Variants in HECW2 observed in about 807,000 individuals in gnomAD.
The protein encoded by HECW2 is E3 ubiquitin-protein ligase HECW2.
Under a neutral mutation model 175.2 loss-of-function variants are expected in HECW2, and 61 were observed. The ratio of observed to expected loss-of-function variants is 0.35; its 90% CI spans 0.28 to 0.43. The LOEUF (loss-of-function observed/expected upper bound fraction) is 0.43. HECW2 is among the 20% of genes least tolerant of loss of function. The probability of loss-of-function intolerance (pLI) is 1.00; values close to 1 mark genes in which losing one functional copy is unlikely to be tolerated. For missense variants in HECW2, 1,524 were observed against 2,000.5 expected (o/e 0.76, Z 4.54); for synonymous variants, 671 against 731.0 (o/e 0.92, Z 1.32).
intron 1 of HECW2, among the ~76,000 whole-genome samples, chr2:196,487,212 GC>G (rs1360489575): frequency 1.3e-5 from 2 of 152,116 alleles, no homozygotes. Context: ...CTACCAGGAG[GC>G]TGAGGTGGGA....
chr2:196,278,766 G>T, intron 14 of HECW2, 104 bp from the exon 15 acceptor site: 1 of 1,279,188 alleles, frequency 7.8e-7, no homozygotes, highest in Non-Finnish European at 1.1e-6. Flanking sequence ...CACAATCTTA[G>T]CTCTATTTTC....
chr2:196,241,881 A>AT (rs1688470979), intron 20 of HECW2, among the ~76,000 whole-genome samples: 1 of 152,170 alleles, frequency 6.6e-6, no homozygotes, highest in Non-Finnish European at 1.5e-5. Context: ...TGTCTTCACT[A>AT]TTTGTTTTAA....
At chr2:196,537,482 A>G (rs1483391148) in intron 1 of HECW2, among the ~76,000 whole-genome samples, 1 of 152,194 alleles carries the variant, frequency 6.6e-6, no homozygotes, top group Non-Finnish European at 1.5e-5. Context: ...GACAGGGCAC[A>G]GATGATTATA....
At chr2:196,223,257 A>C (rs916357402) in intron 23 of HECW2, among the ~76,000 whole-genome samples, 1 of 152,210 alleles carries the variant, frequency 6.6e-6, no homozygotes, top group African/African-American at 2.4e-5. Flanking sequence ...AAATTCATGT[A>C]CTTTTAAAAT....
At chr2:196,436,170 G>A (rs781699802) in intron 1 of HECW2, among the ~76,000 whole-genome samples, 20 of 152,128 alleles carry the variant, frequency 1.3e-4, no homozygotes, top group Non-Finnish European at 1.2e-4. Flanking sequence ...GGAGGCCGAC[G>A]CAGGCGGATC....
intron 26 of HECW2, among the ~76,000 whole-genome samples, chr2:196,219,760 A>G (rs753847960): frequency 6.6e-6 from 1 of 152,216 alleles, no homozygotes; most frequent in Non-Finnish European, 1.5e-5. Flanking sequence ...ACAACACGAT[A>G]AAGTAATTAA....
At chr2:196,276,164 C>T (rs1689948107) in intron 15 of HECW2, among the ~76,000 whole-genome samples, 1 of 152,218 alleles carries the variant, frequency 6.6e-6, no homozygotes, top group Non-Finnish European at 1.5e-5. Flanking sequence ...TGCAACCAGA[C>T]CAGCGGACAG....
At chr2:196,205,405 G>A (rs1687032265) in intron 28 of HECW2, among the ~76,000 whole-genome samples, 1 of 152,036 alleles carries the variant, frequency 6.6e-6, no homozygotes, top group Non-Finnish European at 1.5e-5. Context: ...CTCTGACTAC[G>A]AACTATTATT....
chr2:196,311,339 T>C (rs572652220), intron 10 of HECW2, among the ~76,000 whole-genome samples: 115 of 152,320 alleles, frequency 7.5e-4, no homozygotes, highest in South Asian at 5.8e-3. Context: ...GGCTCAGTTA[T>C]CTACACTTTT....
rs759724293 is a variant in HECW2, at chr2:196,278,510, C to T, written c.3135+18G>A. ...CTTCTATCAACCAACAGGTCAGTCC[C>T]CAAAACGCATGACTCACCTCACCCG... On this transcript the variant is annotated intron_variant, in intron 15 of 28. Transcript: ENST00000644978. 5.6e-6 allele frequency: 9 copies of T among 1,612,224 alleles called. No homozygotes were observed. In the East Asian group the frequency reaches 1.6e-4, roughly 28 times the overall value.
At chr2:196,263,484 T>C (rs1049293814) in intron 17 of HECW2, 1 of 152,234 alleles carries the variant, frequency 6.6e-6, no homozygotes, top group African/African-American at 2.4e-5. Flanking sequence ...TTCCTCTAGA[T>C]ACAGTTCAGT....
At chr2:196,404,862 T>C (rs1694919185) in intron 2 of HECW2, among the ~76,000 whole-genome samples, 1 of 121,058 alleles carries the variant, frequency 8.3e-6, no homozygotes, top group East Asian at 2.6e-4. Context: ...TCTCGCTCTG[T>C]CACCCAGCCT....
intron 1 of HECW2, among the ~76,000 whole-genome samples, chr2:196,556,674 C>G (rs1048110495): frequency 1.3e-5 from 2 of 152,086 alleles, no homozygotes; most frequent in Non-Finnish European, 2.9e-5. Flanking sequence ...AAGAGACATT[C>G]AATGAACATC....
intron 23 of HECW2, among the ~76,000 whole-genome samples, 197 bp from the exon 24 acceptor site, chr2:196,222,537 G>C (rs113286509): frequency 1.3e-5 from 2 of 152,298 alleles, no homozygotes; most frequent in African/African-American, 4.8e-5. Context: ...TATAAAATTA[G>C]AAAGTCCTAA....
intron 1 of HECW2, among the ~76,000 whole-genome samples, chr2:196,449,890 T>C (rs1264127081): frequency 6.6e-6 from 1 of 152,216 alleles, no homozygotes; most frequent in African/African-American, 2.4e-5. Flanking sequence ...ATGGTGTGAT[T>C]CCTTCAGTCA....
intron 1 of HECW2, among the ~76,000 whole-genome samples, chr2:196,459,337 G>T (rs1018043717): frequency 6.6e-5 from 10 of 152,116 alleles, no homozygotes; most frequent in African/African-American, 2.4e-4. Context: ...AGCATGAGGA[G>T]AAGAAAACAG....
chr2:196,509,878 C>T (rs1313827165), intron 1 of HECW2, among the ~76,000 whole-genome samples: 1 of 152,228 alleles, frequency 6.6e-6, no homozygotes, highest in Non-Finnish European at 1.5e-5. Flanking sequence ...CATAGCTTCA[C>T]TCCTTCAGGC....
At chr2:196,556,867 G>A (rs1393200816) in intron 1 of HECW2, among the ~76,000 whole-genome samples, 1 of 152,058 alleles carries the variant, frequency 6.6e-6, no homozygotes, top group East Asian at 1.9e-4. Flanking sequence ...AAACTTAAAA[G>A]GCAAATTGAA....
chr2:196,475,979 C>T (rs751933186), intron 1 of HECW2, among the ~76,000 whole-genome samples: 4 of 152,226 alleles, frequency 2.6e-5, no homozygotes, highest in Non-Finnish European at 5.9e-5. Context: ...ACCCGCTGTG[C>T]CTCACCATGT....
Sources: allele counts gnomAD v4.1 joint callset (sites outside exome capture counted in the v4.1 genomes callset), GRCh38; gene constraint gnomAD v4.1.1; transcripts MANE v1.5; gene names NCBI Gene and HGNC (gene_info 2026-07-23, HGNC 2026-07-21).